Variants in PRDM1 observed in about 807,000 individuals in gnomAD.
PRDM1 encodes the protein PR/SET domain 1, also known as PR domain zinc finger protein 1.
PRDM1 carries 13 observed loss-of-function variants against 62.8 expected under a neutral mutation model. The ratio of observed to expected loss-of-function variants is 0.21; its 90% CI spans 0.13 to 0.33. The LOEUF is 0.33. PRDM1 is among the 10% of genes least tolerant of loss of function. PRDM1 has a pLI of 1.00. For missense variants in PRDM1, 895 were observed against 1,058.8 expected (o/e 0.85, Z 2.15); for synonymous variants, 396 against 417.6 (o/e 0.95, Z 0.63).
rs145352880 is a variant in PRDM1, at chr6:106,020,753, G to T, written c.-67+27114G>T. On this transcript the variant is annotated intron_variant, in intron 1 of 6. Coordinates refer to the PRDM1 transcript ENST00000652320. ...TTCATAGAACATTCTAAAGTAACGT[G>T]TTTGGCATTCCACATGAAACTACTT... 1.3e-3 allele frequency among the ~76,000 whole-genome samples: 203 copies of T among 152,348 alleles called. 2 individuals carry two copies. The highest frequency in any genetic ancestry group is 4.7e-3 in the African/African-American group (196 of 41,580).
chr6:106,019,007 C>T (rs953424035), intron 1 of PRDM1, among the ~76,000 whole-genome samples: 3 of 152,052 alleles, frequency 2.0e-5, no homozygotes, highest in African/African-American at 7.2e-5. Context: ...CAGTGGCTCA[C>T]ACCTGTAATC....
chr6:106,069,442 T>C (rs1331204650), intron 1 of PRDM1, among the ~76,000 whole-genome samples: 1 of 152,146 alleles, frequency 6.6e-6, no homozygotes, highest in African/African-American at 2.4e-5. Flanking sequence ...AGGGAAGATA[T>C]ATGGGCTTTT....
Position 106,105,762 on chromosome 6 carries a change from C to T in PRDM1, c.1602C>T (p.Thr534=). The T allele has an allele frequency of 6.2e-7, 1 of 1,614,214 alleles. No homozygotes were observed. The change falls in exon 5 of 7, where the codon ACC becomes ACT. Residue 534 remains threonine (T), a synonymous_variant. Transcript: ENST00000369096. The stretch of plus-strand genomic sequence containing the variant: ...AACATGTGGTGCAGCCCAAAGCTAC[C>T]TCAGCAGCGATGGCAGCCCCCAGCA... ...TAEHVVQPKA[T]SAAMAAPSSD...
At chr6:106,001,653 CT>C (rs1159338895) in intron 1 of PRDM1, among the ~76,000 whole-genome samples, 1 of 152,134 alleles carries the variant, frequency 6.6e-6, no homozygotes, top group Non-Finnish European at 1.5e-5. Flanking sequence ...TTTATGTATA[CT>C]TGTGTATGTC....
At chr6:106,086,660 TTTA>T in intron 1 of PRDM1, 65 bp downstream of exon 1, 11 of 1,391,300 alleles carry the variant, frequency 7.9e-6, no homozygotes, top group Non-Finnish European at 1.1e-5. Context: ...TTTCTTTTCC[TTTA>T]TTGTTATTAT....
Position 106,107,293 on chromosome 6 carries a change from TG to T in PRDM1, c.2287del (p.Val763SerfsTer10). 6.2e-7 allele frequency: 1 copy of T among 1,614,040 alleles called. No individual in the cohort carries two copies. Among genetic ancestry groups the T allele is most frequent in the Non-Finnish European group, 8.5e-7 (1 of 1,180,010 alleles). On this transcript the variant is annotated frameshift_variant, in exon 7 of 7. Transcript: ENST00000369096. LOFTEE classifies it high-confidence loss of function. ...ISVVEKEILA[V>X]VRKEKEETGL... ...GTAGTGGAGAAGGAAATTCTGGCCG[TG>T]GTCAGAAAAGAGAAAGAAGAAACTG...
upstream of PRDM1, among the ~76,000 whole-genome samples, chr6:106,045,257 G>A (rs192240573): frequency 5.5e-4 from 84 of 152,244 alleles, 2 homozygotes; most frequent in African/African-American, 2.0e-3. Flanking sequence ...TATTGCACAA[G>A]TCGCAGAGGG....
intron 4 of PRDM1, chr6:106,100,483 G>C (rs1037425432): frequency 1.3e-5 from 2 of 152,126 alleles, no homozygotes; most frequent in Admixed American, 1.3e-4. Context: ...CTTTACCCAG[G>C]TTTACCAGTT....
intron 1 of PRDM1, among the ~76,000 whole-genome samples, chr6:106,087,367 A>T (rs147138760): frequency 6.6e-6 from 1 of 152,354 alleles, no homozygotes; most frequent in Non-Finnish European, 1.5e-5. Flanking sequence ...GGAAAGTGCT[A>T]TTTGTAGCTG....
chr6:105,993,502 C>T (rs1772308347), exon 1 of PRDM1, among the ~76,000 whole-genome samples: 2 of 152,194 alleles, frequency 1.3e-5, no homozygotes, highest in African/African-American at 4.8e-5. Flanking sequence ...AAGTTGCTTG[C>T]TTTCTAGGTT....
intron 1 of PRDM1, among the ~76,000 whole-genome samples, chr6:106,012,829 G>T (rs1303140997): frequency 1.3e-5 from 2 of 152,304 alleles, no homozygotes; most frequent in African/African-American, 4.8e-5. Context: ...GCAGAAAAAG[G>T]TTTGAAATTT....
At chr6:106,030,462 C>A (rs890226928) in intron 1 of PRDM1, among the ~76,000 whole-genome samples, 7 of 152,260 alleles carry the variant, frequency 4.6e-5, no homozygotes, top group East Asian at 3.9e-4. Context: ...AGTGAGCCAC[C>A]ATACCCAGCC....
At chr6:106,022,852 G>A (rs529741092) in intron 1 of PRDM1, among the ~76,000 whole-genome samples, 3 of 152,224 alleles carry the variant, frequency 2.0e-5, no homozygotes, top group East Asian at 1.9e-4. Flanking sequence ...CCCTGTGCCC[G>A]GCCATAAATG....
chr6:106,042,084 A>G (rs1457209245), intron 1 of PRDM1, among the ~76,000 whole-genome samples: 1 of 151,098 alleles, frequency 6.6e-6, no homozygotes, highest in African/African-American at 2.4e-5. Flanking sequence ...CTGGGATTAC[A>G]GGCATGAGCC....
chr6:106,083,400 GA>G (rs572001828), upstream of PRDM1, among the ~76,000 whole-genome samples: 866 of 150,402 alleles, frequency 5.8e-3, 11 homozygotes, highest in African/African-American at 0.02. Context: ...AGTTCCTTTC[GA>G]AAAAAAAAAT....
intron 4 of PRDM1, chr6:106,099,812 T>A: frequency 2.1e-6 from 1 of 476,746 alleles, no homozygotes; most frequent in Non-Finnish European, 3.7e-6. Context: ...GAAATATATG[T>A]CCAATTCTAA....
In PRDM1 at chr6:106,106,222, C is replaced by A. The variant is rs1192540071; in HGVS notation, c.1774-149C>A. 2.3e-6 allele frequency: 3 copies of A among 1,305,818 alleles called. No homozygotes were observed. The highest frequency in any genetic ancestry group is 3.1e-6 in the Non-Finnish European group (3 of 956,952). 80.9% of individuals were successfully genotyped at this position (1,305,818 alleles called of 1,614,324 possible). A position where few individuals can be genotyped will look rare whatever the true frequency, so the allele number is the denominator to read the frequency against. The stretch of plus-strand genomic sequence containing the variant: ...GATTTTTGTGCTTTTAAGAAAAACA[C>A]CATTCTGAAAACATGAAGATTTCTT... On this transcript the variant is annotated intron_variant, in intron 5 of 6. Transcript: ENST00000369096. The surrounding 1 kb of genome is among the most constrained non-coding windows in gnomAD (Gnocchi z 4.4).
chr6:106,028,784 C>G lies in PRDM1; in HGVS notation c.-67+35145C>G, dbSNP rs143000639. Among the ~76,000 whole-genome samples, 4 of 152,168 alleles carry G rather than the reference C, an allele frequency of 2.6e-5. No individual in the cohort carries two copies. The East Asian group carries it at 7.7e-4, about 29-fold the overall frequency. On this transcript the variant is annotated intron_variant, in intron 1 of 6. Transcript: ENST00000652320. ...AGTTTTCCTGTGTCTCTTTGTAATCCATTAATCCATCTTTCCTTCCATCCT... is the reference window on the plus strand; with the variant it reads ...AGTTTTCCTGTGTCTCTTTGTAATCGATTAATCCATCTTTCCTTCCATCCT...
At chr6:106,047,957 G>T (rs1256840275), upstream of PRDM1, among the ~76,000 whole-genome samples, 1 of 152,140 alleles carries the variant, frequency 6.6e-6, no homozygotes, top group Admixed American at 6.5e-5. Flanking sequence ...CTGCATATTT[G>T]GCAGTTCTTA....
Sources: allele counts gnomAD v4.1 joint callset (sites outside exome capture counted in the v4.1 genomes callset), GRCh38; gene constraint gnomAD v4.1.1; non-coding constraint Gnocchi (gnomAD v3.1); transcripts MANE v1.5; gene names NCBI Gene and HGNC (gene_info 2026-07-23, HGNC 2026-07-21).